The following RPS6KA2 variants were observed in gnomAD, a reference collection of about 807,000 sequenced individuals.
RPS6KA2 encodes ribosomal protein S6 kinase A2, also known as ribosomal protein S6 kinase alpha-2.
A neutral mutation model predicts 91.8 loss-of-function variants in RPS6KA2; 42 were observed. That is an observed-to-expected ratio of 0.46 (90% CI 0.36 to 0.59). The LOEUF (loss-of-function observed/expected upper bound fraction) is 0.59, where lower values mean the gene tolerates loss of function less well. RPS6KA2 is among the 20% of genes least tolerant of loss of function. The pLI is 0.00. For missense variants in RPS6KA2, 798 were observed against 978.5 expected, an observed-to-expected ratio of 0.82 and a Z score of 2.46; for synonymous variants, 414 against 393.6, an observed-to-expected ratio of 1.05 and a Z score of -0.61.
intron 3 of RPS6KA2, among the ~76,000 whole-genome samples, chr6:166,525,063 T>G (rs1782979543): frequency 6.6e-6 from 1 of 152,256 alleles, no homozygotes; most frequent in Non-Finnish European, 1.5e-5. Flanking sequence ...GGATGAGAAC[T>G]ACTGCTCCAT....
rs1784211693 is a variant in RPS6KA2, at chr6:166,557,499, A to G, written c.100-18715T>C. ...AATGAATGGATTGAATTATGCTAAT[A>G]TCTTCCCTTCCCATAATCCTAATTG... is the stretch of plus-strand genomic sequence containing the variant. On this transcript the variant is annotated intron_variant, in intron 1 of 20. Coordinates refer to ENST00000265678, the MANE Select transcript of RPS6KA2 (RefSeq NM_021135.6). The surrounding 1 kb of genome is among the most constrained non-coding windows in gnomAD (Gnocchi z 4.8). Among the ~76,000 whole-genome samples the G allele has an allele frequency of 6.6e-6, 1 of 152,238 alleles. No homozygotes were observed. The highest frequency in any genetic ancestry group is 2.4e-5 in the African/African-American group (1 of 41,462).
At chr6:166,818,304 C>T (rs889284225) in intron 2 of RPS6KA2, among the ~76,000 whole-genome samples, 1 of 152,124 alleles carries the variant, frequency 6.6e-6, no homozygotes, top group African/African-American at 2.4e-5. Flanking sequence ...GACTTCCTTC[C>T]TCCCTTTTAT....
chr6:166,488,756 G>T, intron 10 of RPS6KA2, 77 bp downstream of exon 10: 4 of 1,125,184 alleles, frequency 3.6e-6, no homozygotes, highest in Non-Finnish European at 5.3e-6. Flanking sequence ...CAGGAGGGTG[G>T]CCCTCCACAT....
intron 2 of RPS6KA2, among the ~76,000 whole-genome samples, chr6:166,654,394 G>A (rs528377781): frequency 1.6e-4 from 24 of 151,332 alleles, no homozygotes; most frequent in African/African-American, 4.9e-4. Flanking sequence ...ACTGCCGGCC[G>A]GGTGAATTCT....
intron 1 of RPS6KA2, among the ~76,000 whole-genome samples, chr6:166,614,712 T>C (rs542327151): frequency 3.7e-4 from 56 of 152,296 alleles, no homozygotes; most frequent in South Asian, 2.1e-4. Flanking sequence ...GGTGACTCCA[T>C]GTCCAGCCCT....
chr6:166,634,630 G>A (rs187388631), intron 2 of RPS6KA2, among the ~76,000 whole-genome samples: 126 of 152,296 alleles, frequency 8.3e-4, no homozygotes, highest in African/African-American at 3.0e-3. Context: ...AATTTCATTT[G>A]CAAATGTTTT....
intron 2 of RPS6KA2, among the ~76,000 whole-genome samples, chr6:166,787,209 G>A (rs982993626): frequency 6.6e-6 from 1 of 151,792 alleles, no homozygotes; most frequent in Admixed American, 6.6e-5. Flanking sequence ...TTATCATAGT[G>A]TTTTTTTTAT....
intron 1 of RPS6KA2, among the ~76,000 whole-genome samples, chr6:166,571,465 C>G (rs1307734818): frequency 6.6e-6 from 1 of 152,194 alleles, no homozygotes; most frequent in Non-Finnish European, 1.5e-5. Flanking sequence ...AAGCCAATGA[C>G]AAACAGAAAA....
intron 2 of RPS6KA2, among the ~76,000 whole-genome samples, chr6:166,675,432 T>G (rs1788591852): frequency 6.6e-6 from 1 of 152,200 alleles, no homozygotes; most frequent in African/African-American, 2.4e-5. Flanking sequence ...TTTAAAGATG[T>G]TCGTGGCACA....
intron 2 of RPS6KA2, among the ~76,000 whole-genome samples, chr6:166,685,173 G>A (rs1217639464): frequency 2.0e-5 from 3 of 151,944 alleles, no homozygotes; most frequent in Non-Finnish European, 4.4e-5. Flanking sequence ...TGCAGGCTGC[G>A]GGGACAGAGG....
chr6:166,857,199 T>G (rs1367310964), intron 2 of RPS6KA2, among the ~76,000 whole-genome samples: 6 of 152,208 alleles, frequency 3.9e-5, no homozygotes, highest in Admixed American at 3.9e-4. Flanking sequence ...CTAAAACCAG[T>G]AATGTTCATC....
intron 1 of RPS6KA2, among the ~76,000 whole-genome samples, chr6:166,625,128 G>A (rs1381762777): frequency 2.6e-5 from 4 of 152,110 alleles, no homozygotes; most frequent in Admixed American, 6.6e-5. Flanking sequence ...CACTGCGCCC[G>A]GCCATTATTG....
chr6:166,661,640 A>G (rs1288801319), intron 2 of RPS6KA2, among the ~76,000 whole-genome samples: 1 of 152,062 alleles, frequency 6.6e-6, no homozygotes, highest in Non-Finnish European at 1.5e-5. Context: ...TATATTTTCT[A>G]GTCTATTTGC....
chr6:166,680,789 G>A (rs1001680696), intron 2 of RPS6KA2, among the ~76,000 whole-genome samples: 6 of 152,174 alleles, frequency 3.9e-5, no homozygotes, highest in African/African-American at 1.4e-4. Flanking sequence ...CTCATCACTA[G>A]GGTCTGTGGC....
intron 4 of RPS6KA2, among the ~76,000 whole-genome samples, chr6:166,509,684 C>G (rs1782394904): frequency 2.6e-5 from 4 of 152,176 alleles, no homozygotes; most frequent in Admixed American, 2.6e-4. Flanking sequence ...CTCATCACAT[C>G]TTTTTTAAAT....
rs1785815576 is a variant in RPS6KA2, at chr6:166,603,252, G to A, written c.99+23669C>T. The stretch of plus-strand genomic sequence containing the variant: ...CGTGACACAAGTTATGGTTTCTAAG[G>A]GACAGGGAAGCTTGGCTGAGATCAC... On this transcript the variant is annotated intron_variant, in intron 1 of 20. Transcript: ENST00000265678. This position sits in a 1 kb window ranked among gnomAD's most constrained non-coding sequence, Gnocchi z 4.3. Among the ~76,000 whole-genome samples the A allele has an allele frequency of 6.6e-6, 1 of 152,178 alleles. No homozygotes were observed. Among genetic ancestry groups the A allele is most frequent in the South Asian group, 2.1e-4 (1 of 4,822 alleles).
chr6:166,417,250 A>G (rs573883747), intron 19 of RPS6KA2, among the ~76,000 whole-genome samples: 1 of 152,374 alleles, frequency 6.6e-6, no homozygotes, highest in Non-Finnish European at 1.5e-5. Flanking sequence ...ATGCAGGGCA[A>G]TCATTCTGCA....
intron 2 of RPS6KA2, among the ~76,000 whole-genome samples, chr6:166,711,880 C>A (rs1010778485): frequency 2.6e-5 from 4 of 150,992 alleles, no homozygotes; most frequent in Admixed American, 6.6e-5. Flanking sequence ...TAAAAAAAAA[C>A]AAGACCAATA....
chr6:166,613,155 T>C (rs1049050812), intron 1 of RPS6KA2, among the ~76,000 whole-genome samples: 4 of 152,232 alleles, frequency 2.6e-5, no homozygotes, highest in African/African-American at 9.6e-5. Context: ...TCCTGAAACA[T>C]GCCTGCTTTT....
Sources: allele counts gnomAD v4.1 joint callset (sites outside exome capture counted in the v4.1 genomes callset), GRCh38; gene constraint gnomAD v4.1.1; non-coding constraint Gnocchi (gnomAD v3.1); transcripts MANE v1.5; gene names NCBI Gene and HGNC (gene_info 2026-07-23, HGNC 2026-07-21).